The following ANKS1B variants were observed in gnomAD, a reference collection of about 807,000 sequenced individuals.
The protein encoded by ANKS1B is ankyrin repeat and sterile alpha motif domain-containing protein 1B.
ANKS1B carries 36 observed loss-of-function variants against 148.3 expected under a neutral mutation model. The ratio of observed to expected loss-of-function variants is 0.24; its 90% confidence interval spans 0.19 to 0.32. The LOEUF (loss-of-function observed/expected upper bound fraction) is 0.32. Among genes scored for constraint, ANKS1B ranks in the 10% least tolerant of loss-of-function variants. The probability of loss-of-function intolerance (pLI) is 1.00; values close to 1 mark genes in which losing one functional copy is unlikely to be tolerated. For synonymous variants in ANKS1B, 542 were observed against 560.8 expected (o/e 0.97, Z 0.47); for missense variants, 1,157 against 1,542.6 (o/e 0.75, Z 4.19).
intron 13 of ANKS1B, among the ~76,000 whole-genome samples, chr12:99,245,273 C>A (rs1325135310): frequency 6.6e-6 from 1 of 152,122 alleles, no homozygotes; most frequent in Non-Finnish European, 1.5e-5. Context: ...GTTAATTAAT[C>A]CTGCCTCTAC....
At chr12:98,938,456 G>T (rs2099824992) in intron 17 of ANKS1B, among the ~76,000 whole-genome samples, 1 of 152,224 alleles carries the variant, frequency 6.6e-6, no homozygotes, top group Non-Finnish European at 1.5e-5. Context: ...TCAGGCATCT[G>T]TGGTTTTTAA....
chr12:99,584,083 T>C (rs2097598280), intron 9 of ANKS1B, among the ~76,000 whole-genome samples: 1 of 152,182 alleles, frequency 6.6e-6, no homozygotes, highest in Admixed American at 6.5e-5. Context: ...AGCTGCCAGA[T>C]ATGACAATGT....
chr12:98,900,455 G>A (rs549812894), intron 17 of ANKS1B, among the ~76,000 whole-genome samples: 20 of 152,238 alleles, frequency 1.3e-4, no homozygotes, highest in South Asian at 6.2e-4. Flanking sequence ...ATCTGCCTCC[G>A]TCCTTCAGAA....
intron 12 of ANKS1B, among the ~76,000 whole-genome samples, chr12:99,327,952 T>A (rs965456762): frequency 7.2e-5 from 11 of 151,936 alleles, no homozygotes. Context: ...CTGTGTGTGG[T>A]GAGGCTCCTC....
chr12:99,654,938 A>C (rs1377240905), intron 9 of ANKS1B, 129 bp downstream of exon 9: 1 of 1,079,380 alleles, frequency 9.3e-7, no homozygotes, highest in African/African-American at 1.6e-5. Flanking sequence ...CTTTGAGAAA[A>C]ACCACAAGAT....
intron 15 of ANKS1B, among the ~76,000 whole-genome samples, chr12:99,152,254 G>T (rs2075134931): frequency 6.6e-6 from 1 of 152,022 alleles, no homozygotes; most frequent in South Asian, 2.1e-4. Flanking sequence ...TTCATGATTT[G>T]CTTCATTTTC....
At chr12:99,494,920 G>A (rs902316280) in intron 10 of ANKS1B, among the ~76,000 whole-genome samples, 1 of 151,966 alleles carries the variant, frequency 6.6e-6, no homozygotes, top group African/African-American at 2.4e-5. Flanking sequence ...CAGGGCAGTT[G>A]CATTTAATCA....
At chr12:99,471,275 TTTG>T (rs915446623) in intron 10 of ANKS1B, among the ~76,000 whole-genome samples, 11 of 152,094 alleles carry the variant, frequency 7.2e-5, no homozygotes, top group African/African-American at 2.4e-4. Context: ...TAAGGACATT[TTTG>T]TTGTTGTTAA....
chr12:98,960,553 C>A (rs1271342203), intron 17 of ANKS1B, among the ~76,000 whole-genome samples: 1 of 152,122 alleles, frequency 6.6e-6, no homozygotes, highest in African/African-American at 2.4e-5. Context: ...CGAGCCCAGA[C>A]TTAGAAGACT....
At chr12:99,624,934 A>G (rs1567505554) in intron 9 of ANKS1B, among the ~76,000 whole-genome samples, 1 of 152,118 alleles carries the variant, frequency 6.6e-6, no homozygotes, top group Non-Finnish European at 1.5e-5. Context: ...GACCAAAAAG[A>G]AACCTGCGCT....
chr12:99,068,361 T>TATA (rs750398797), intron 16 of ANKS1B, among the ~76,000 whole-genome samples: 28 of 152,184 alleles, frequency 1.8e-4, no homozygotes, highest in Non-Finnish European at 3.2e-4. Context: ...GCTCCTAGTC[T>TATA]ATAAACTTGT....
downstream of ANKS1B, among the ~76,000 whole-genome samples, chr12:98,741,532 A>G (rs997673310): frequency 6.6e-6 from 1 of 152,144 alleles, no homozygotes; most frequent in Non-Finnish European, 1.5e-5. Context: ...GCCTGGCAAC[A>G]ATCAGCTGGA....
chr12:99,205,658 G>A (rs1044256303), intron 14 of ANKS1B, among the ~76,000 whole-genome samples: 2 of 152,090 alleles, frequency 1.3e-5, no homozygotes, highest in African/African-American at 2.4e-5. Flanking sequence ...TTTCATTTGG[G>A]GGTTACTTTG....
At chr12:99,496,974 T>C (rs1452805641) in intron 10 of ANKS1B, among the ~76,000 whole-genome samples, 1 of 152,116 alleles carries the variant, frequency 6.6e-6, no homozygotes, top group Non-Finnish European at 1.5e-5. Flanking sequence ...ATGTATTGAA[T>C]TTGTGTGCTC....
At chr12:98,846,005 C>CACACACAT (rs1491400567) in intron 17 of ANKS1B, among the ~76,000 whole-genome samples, 523 of 149,632 alleles carry the variant, frequency 3.5e-3, no homozygotes, top group Non-Finnish European at 5.7e-3. Context: ...CACACACACA[C>CACACACAT]ATATATGTAC....
At chr12:99,460,595 T>C (rs559292340) in intron 10 of ANKS1B, among the ~76,000 whole-genome samples, 4 of 151,936 alleles carry the variant, frequency 2.6e-5, no homozygotes, top group African/African-American at 7.2e-5. Flanking sequence ...AGGACATGAA[T>C]AGACAGTTAC....
rs1013241595 is a variant in ANKS1B at position 99,134,468 on chromosome 12, G to T, written c.2526+19821C>A. On this transcript the variant is annotated intron_variant, in intron 15 of 26. Coordinates refer to ENST00000683438, the MANE Select transcript of ANKS1B (RefSeq NM_001352186.2). ...GAACCTCGGAAGTTTCAGTCTGAGA[G>T]AATGGAGATGGGATGGAGGAGGAGA... is the stretch of plus-strand genomic sequence containing the variant. Among the ~76,000 whole-genome samples, 6 of 152,174 alleles carry T rather than the reference G, an allele frequency of 3.9e-5. No individual in the cohort carries two copies. In the East Asian group the frequency reaches 1.2e-3, roughly 29 times the overall value.
chr12:99,402,278 C>A (rs2094424274), intron 11 of ANKS1B, among the ~76,000 whole-genome samples: 1 of 145,946 alleles, frequency 6.9e-6, no homozygotes, highest in African/African-American at 2.6e-5. Context: ...TCATGAAACT[C>A]ACTAATTAGT....
At chr12:99,836,280 ATGT>A (rs2084845768) in intron 1 of ANKS1B, among the ~76,000 whole-genome samples, 1 of 152,102 alleles carries the variant, frequency 6.6e-6, no homozygotes. Context: ...TAGTAAATAC[ATGT>A]CTATTTGAGT....
Sources: gnomAD v4.1 joint callset for allele counts (sites outside exome capture counted in the v4.1 genomes callset) on GRCh38, gnomAD v4.1.1 for gene constraint, MANE v1.5 for transcripts, NCBI Gene and HGNC (gene_info 2026-07-23, HGNC 2026-07-21) for gene names.